MYO16: variants seen among roughly 807,000 people sequenced by gnomAD.
MYO16 encodes unconventional myosin-XVI.
Under a neutral mutation model 205.3 loss-of-function variants are expected in MYO16, and 94 were observed. The ratio of observed to expected loss-of-function variants is 0.46; its 90% CI spans 0.39 to 0.54. The LOEUF is 0.54. MYO16 is among the 20% of genes least tolerant of loss of function. MYO16 has a pLI of 0.00. For synonymous variants in MYO16, 988 were observed against 954.0 expected (o/e 1.04, Z -0.66); for missense variants, 2,315 against 2,387.5 (o/e 0.97, Z 0.63).
chr13:108,810,501 A>G (rs1887256630), intron 7 of MYO16, among the ~76,000 whole-genome samples: 1 of 152,248 alleles, frequency 6.6e-6, no homozygotes. Flanking sequence ...GATTTTCAGT[A>G]AATTGCATCT....
chr13:108,835,432 T>G (rs1413040790), intron 9 of MYO16, among the ~76,000 whole-genome samples: 2 of 152,210 alleles, frequency 1.3e-5, no homozygotes, highest in African/African-American at 4.8e-5. Context: ...CTTTATAAAT[T>G]ACCCAGTCTC....
chr13:108,819,897 G>A (rs1000263031), intron 7 of MYO16, among the ~76,000 whole-genome samples: 1 of 151,840 alleles, frequency 6.6e-6, no homozygotes, highest in African/African-American at 2.4e-5. Flanking sequence ...TGTACTTTCG[G>A]GTTATATTAT....
chr13:108,810,910 A>G (rs981777330), intron 7 of MYO16, among the ~76,000 whole-genome samples: 16 of 152,194 alleles, frequency 1.1e-4, no homozygotes, highest in African/African-American at 3.9e-4. Context: ...CCTTTTATAA[A>G]TATATTAACT....
At chr13:109,012,157 AT>A (rs1361367985) in intron 22 of MYO16, among the ~76,000 whole-genome samples, 3 of 152,230 alleles carry the variant, frequency 2.0e-5, no homozygotes, top group Non-Finnish European at 4.4e-5. Context: ...CCTAGGGGAC[AT>A]AATAGAAAGA....
chr13:109,143,625 A>G (rs1254034011), intron 32 of MYO16, among the ~76,000 whole-genome samples: 2 of 152,218 alleles, frequency 1.3e-5, no homozygotes, highest in Admixed American at 1.3e-4. Context: ...AGACCTCATC[A>G]TTTGGAAATC....
intron 5 of MYO16, among the ~76,000 whole-genome samples, chr13:108,788,341 C>T (rs977067770): frequency 2.0e-5 from 3 of 152,034 alleles, no homozygotes; most frequent in Non-Finnish European, 4.4e-5. Context: ...ATGAGACAAC[C>T]ACGGAGAGCT....
intron 5 of MYO16, among the ~76,000 whole-genome samples, chr13:108,788,343 C>T (rs148660924): frequency 3.3e-5 from 5 of 152,164 alleles, no homozygotes; most frequent in East Asian, 3.9e-4. Context: ...GAGACAACCA[C>T]GGAGAGCTGA....
At chr13:108,897,922 C>A in intron 14 of MYO16, 94 bp from the exon 15 acceptor site, 1 of 1,009,328 alleles carries the variant, frequency 9.9e-7, no homozygotes, top group Non-Finnish European at 1.5e-6. Flanking sequence ...AACTTTCAGA[C>A]CAAGAAGTAT....
chr13:108,499,603 T>G, the MYO16 span, among the ~76,000 whole-genome samples: 3 of 152,184 alleles, frequency 2.0e-5, no homozygotes, highest in Non-Finnish European at 4.4e-5. Flanking sequence ...TTTATGTTAT[T>G]ATAATAACTA....
Position 109,164,964 on chromosome 13 carries a change from A to T in MYO16, c.5228A>T (p.Glu1743Val), listed in dbSNP as rs960079842. The stretch of plus-strand genomic sequence containing the variant: ...CCTAGTACGTCAGAAATTACTTCCG[A>T]GACTCAAGACAGAAATGCAAATAAC... ...DDPSTSEITS[E>V]TQDRNANNHG... The change falls in exon 33 of 35, where the codon GAG becomes GTG. Residue 1743 changes from glutamate (E) to valine (V), a missense_variant. By Grantham distance (121) the Glu-to-Val change is moderately radical. Transcript: ENST00000457511. 6.2e-7 allele frequency: 1 copy of T among 1,609,132 alleles called. No homozygotes were observed. The highest frequency in any genetic ancestry group is 8.5e-7 in the Non-Finnish European group (1 of 1,176,876).
At chr13:109,039,992 G>A (rs1358875133) in intron 23 of MYO16, among the ~76,000 whole-genome samples, 1 of 151,872 alleles carries the variant, frequency 6.6e-6, no homozygotes, top group Non-Finnish European at 1.5e-5. Context: ...ATAAAACAAG[G>A]AAAATCATTA....
chr13:108,894,438 G>T (rs1420228983), intron 14 of MYO16, among the ~76,000 whole-genome samples: 1 of 152,118 alleles, frequency 6.6e-6, no homozygotes, highest in African/African-American at 2.4e-5. Flanking sequence ...GGAAGCCAGA[G>T]AACCCAAAAT....
At chr13:108,841,220 A>G (rs1877223200) in intron 9 of MYO16, among the ~76,000 whole-genome samples, 1 of 152,224 alleles carries the variant, frequency 6.6e-6, no homozygotes, top group Non-Finnish European at 1.5e-5. Flanking sequence ...ATAATGAATG[A>G]TTATATCAAT....
intron 22 of MYO16, among the ~76,000 whole-genome samples, chr13:109,015,413 C>G (rs961254374): frequency 6.6e-6 from 1 of 152,152 alleles, no homozygotes; most frequent in African/African-American, 2.4e-5. Flanking sequence ...GGCTATTGGT[C>G]TAAAATTGCC....
chr13:108,972,384 A>AC lies in MYO16; in HGVS notation c.2369+7482_2369+7483insC, dbSNP rs1183166004. Among the ~76,000 whole-genome samples the AC allele has an allele frequency of 7.3e-4, 45 of 61,954 alleles. 3 individuals are homozygous for AC. The highest frequency in any genetic ancestry group is 3.2e-3 in the African/African-American group (40 of 12,560). The allele number at this position is 61,954 out of a possible 152,430, so 40.6% of individuals were successfully genotyped here. On this transcript the variant is annotated intron_variant, in intron 20 of 34. Transcript: ENST00000457511. Reference sequence around the variant, plus strand: ...TATATATATATATATATATATATATATATATATATATATAGTGGCTGGTAA... The same window carrying AC: ...TATATATATATATATATATATATATACTATATATATATATAGTGGCTGGTAA...
chr13:109,140,560 G>A lies in MYO16; in HGVS notation c.4348G>A (p.Gly1450Arg), dbSNP rs762084319. Residue 1450 changes from glycine (G) to arginine (R), a missense_variant, in exon 32 of 35, where the codon GGG becomes AGG. Around this residue, in one of 3 missense-constraint regions of MYO16, gnomAD observed 1,097 missense variants for 1,092.0 expected, o/e 1.00. Transcript: ENST00000457511. This position sits in a 1 kb window ranked among gnomAD's most constrained non-coding sequence, Gnocchi z 8.0. ...HAARPDSPDP[G>R]ESVYEEMKCC... ...GGCCAGGCCCGATAGCCCGGACCCC[G>A]GGGAGTCCGTGTACGAGGAGATGAA... 4.6e-5 allele frequency: 71 copies of A among 1,539,788 alleles called. No homozygotes were observed. Among genetic ancestry groups the A allele is most frequent in the Non-Finnish European group, 6.1e-5 (70 of 1,150,192 alleles).
the MYO16 span, among the ~76,000 whole-genome samples, chr13:108,538,535 T>C: frequency 1.3e-5 from 2 of 152,006 alleles, no homozygotes; most frequent in Non-Finnish European, 2.9e-5. Context: ...AGACAGCAAA[T>C]ACTGATTATT....
At chr13:108,657,259 CT>C (rs1009799845) in intron 1 of MYO16, among the ~76,000 whole-genome samples, 1 of 152,172 alleles carries the variant, frequency 6.6e-6, no homozygotes, top group Non-Finnish European at 1.5e-5. Flanking sequence ...TTGTGTAGAG[CT>C]TTTGCTTTGT....
the MYO16 span, among the ~76,000 whole-genome samples, chr13:108,552,774 C>A: frequency 2.6e-5 from 4 of 152,050 alleles, no homozygotes; most frequent in African/African-American, 9.7e-5. Flanking sequence ...TACTCTGTCC[C>A]AGAAATTTAC....
Sources: gnomAD v4.1 joint callset for allele counts (sites outside exome capture counted in the v4.1 genomes callset) on GRCh38, gnomAD v4.1.1 for gene constraint, gnomAD v4.1.1 regional missense constraint, Gnocchi (gnomAD v3.1) non-coding constraint, MANE v1.5 for transcripts, NCBI Gene and HGNC (gene_info 2026-07-23, HGNC 2026-07-21) for gene names.